KSR2: variants seen among roughly 807,000 people sequenced by gnomAD.
KSR2 encodes the protein kinase suppressor of ras 2.
KSR2 carries 25 observed loss-of-function variants against 107.8 expected under a neutral mutation model. The observed-to-expected ratio is 0.23, with a 90% CI of 0.17 to 0.32. KSR2 has a LOEUF of 0.32. Ranked by LOEUF, KSR2 falls within the 10% of genes least tolerant of loss-of-function variation. The probability of loss-of-function intolerance (pLI) is 1.00; values close to 1 mark genes in which losing one functional copy is unlikely to be tolerated. For synonymous variants in KSR2, 480 were observed against 507.0 expected (o/e 0.95, Z 0.71); for missense variants, 887 against 1,268.9 (o/e 0.70, Z 4.57).
chr12:117,698,324 ATT>A (rs57867291), intron 4 of KSR2, among the ~76,000 whole-genome samples: 2 of 146,004 alleles, frequency 1.4e-5, no homozygotes, highest in African/African-American at 5.0e-5. Context: ...TGTCTCTCAG[ATT>A]TTTTTTTTTT....
At chr12:117,508,865 G>C (rs1044650242) in intron 14 of KSR2, among the ~76,000 whole-genome samples, 5 of 151,056 alleles carry the variant, frequency 3.3e-5, no homozygotes, top group African/African-American at 1.2e-4. Context: ...TGTGAAGGTG[G>C]GTAGATGGAT....
Position 117,758,584 on chromosome 12 carries a change from G to A in KSR2, c.986+2427C>T, listed in dbSNP as rs190489928. ...AGCCAGAAGAAACCTGAAGGGCAAA[G>A]CTTAACGCCACCTGAGTCCTGATAC... On this transcript the variant is annotated intron_variant, in intron 4 of 19. Coordinates refer to ENST00000339824, the MANE Select transcript of KSR2 (RefSeq NM_173598.6). Among the ~76,000 whole-genome samples the A allele has an allele frequency of 1.7e-3, 252 of 152,308 alleles. No individual in the cohort carries two copies. The Middle Eastern group carries it at 0.017, about 10-fold the overall frequency.
chr12:117,898,102 A>G (rs1894569050), intron 1 of KSR2, among the ~76,000 whole-genome samples: 1 of 152,160 alleles, frequency 6.6e-6, no homozygotes, highest in South Asian at 2.1e-4. Flanking sequence ...CCAACCAGTT[A>G]CCCATCTTGA....
chr12:117,536,293 TG>T (rs1238312202), intron 10 of KSR2, among the ~76,000 whole-genome samples: 1 of 152,030 alleles, frequency 6.6e-6, no homozygotes, highest in Non-Finnish European at 1.5e-5. Context: ...CAGTCAAGAG[TG>T]GGACAGCTAG....
intron 6 of KSR2, among the ~76,000 whole-genome samples, chr12:117,580,964 G>A (rs1269658368): frequency 6.6e-6 from 1 of 152,114 alleles, no homozygotes; most frequent in Non-Finnish European, 1.5e-5. Flanking sequence ...ATCAAGGGGC[G>A]TGGCCAAACC....
At chr12:117,790,604 C>T (rs1454735734) in intron 3 of KSR2, among the ~76,000 whole-genome samples, 1 of 152,158 alleles carries the variant, frequency 6.6e-6, no homozygotes, top group Non-Finnish European at 1.5e-5. Flanking sequence ...ATCTTGTGGG[C>T]CACAAGGAAC....
chr12:117,763,674 G>T (rs538866369), intron 3 of KSR2, among the ~76,000 whole-genome samples: 2 of 152,218 alleles, frequency 1.3e-5, no homozygotes, highest in African/African-American at 2.4e-5. Context: ...CTAAGGTGCA[G>T]ATTGGCTTTT....
intron 16 of KSR2, among the ~76,000 whole-genome samples, chr12:117,482,842 T>A (rs1373992391): frequency 6.6e-6 from 1 of 152,148 alleles, no homozygotes; most frequent in East Asian, 1.9e-4. Context: ...AATTTCTGCT[T>A]TTTATAAAAC....
intron 1 of KSR2, among the ~76,000 whole-genome samples, chr12:117,942,673 T>C (rs1359585666): frequency 2.0e-5 from 3 of 151,290 alleles, no homozygotes; most frequent in Non-Finnish European, 4.4e-5. Context: ...TTGTGTTTTT[T>C]TTTTTTGGAG....
At chr12:117,691,774 G>C (rs1055816211) in intron 4 of KSR2, among the ~76,000 whole-genome samples, 1 of 152,314 alleles carries the variant, frequency 6.6e-6, no homozygotes, top group Non-Finnish European at 1.5e-5. Flanking sequence ...ATTAAGCCTA[G>C]AGCAGGAAAT....
rs60536021 is a variant in KSR2 at position 117,936,533 on chromosome 12, TTAGTAGTAGTAG to T, written c.180+31531_180+31542del. Among the ~76,000 whole-genome samples the T allele has an allele frequency of 5.0e-3, 597 of 119,656 alleles. 3 individuals are homozygous for T. Among genetic ancestry groups the T allele is most frequent in the East Asian group, 0.033 (117 of 3,560 alleles). 78.5% of individuals were successfully genotyped at this position (119,656 alleles called of 152,430 possible). A position where few individuals can be genotyped will look rare whatever the true frequency, so the allele number is the denominator to read the frequency against. ...TATTTTATTATTATTATTATTATTA[TTAGTAGTAGTAG>T]TAGTAGTAGTAGTAGTAGTAGTAGT... On this transcript the variant is annotated intron_variant, in intron 1 of 19. Coordinates refer to ENST00000339824, the MANE Select transcript of KSR2 (RefSeq NM_173598.6).
intron 4 of KSR2, among the ~76,000 whole-genome samples, chr12:117,685,132 C>G (rs541792928): frequency 6.6e-6 from 1 of 152,200 alleles, no homozygotes; most frequent in African/African-American, 2.4e-5. Flanking sequence ...ACAGCACAGC[C>G]CAGCCTCCTC....
intron 5 of KSR2, among the ~76,000 whole-genome samples, chr12:117,664,253 T>A (rs951515019): frequency 6.6e-6 from 1 of 152,296 alleles, no homozygotes; most frequent in East Asian, 1.9e-4. Flanking sequence ...CCTGAGGTTG[T>A]GAGGCTTGGC....
intron 9 of KSR2, among the ~76,000 whole-genome samples, chr12:117,544,218 T>C (rs940716418): frequency 7.2e-5 from 11 of 152,234 alleles, no homozygotes; most frequent in Admixed American, 3.9e-4. Flanking sequence ...ACAAGCCCTA[T>C]ACATGTTTTA....
intron 1 of KSR2, among the ~76,000 whole-genome samples, chr12:117,882,800 T>G (rs1259707928): frequency 6.6e-6 from 1 of 151,472 alleles, no homozygotes; most frequent in Non-Finnish European, 1.5e-5. Flanking sequence ...CATCCATCCA[T>G]CTATTCACTT....
intron 3 of KSR2, among the ~76,000 whole-genome samples, chr12:117,848,833 T>TGGGTGGTG (rs1566048306): frequency 7.5e-6 from 1 of 132,672 alleles, no homozygotes; most frequent in South Asian, 2.8e-4. Context: ...GTGATGGTGG[T>TGGGTGGTG]AGTGGTGGTG....
At chr12:117,792,365 G>C (rs1890282048) in intron 3 of KSR2, among the ~76,000 whole-genome samples, 1 of 151,716 alleles carries the variant, frequency 6.6e-6, no homozygotes, top group Admixed American at 6.6e-5. Context: ...AAAAAAAGAA[G>C]AAGAAGAAGA....
At chr12:117,910,713 G>A (rs1299241328) in intron 1 of KSR2, among the ~76,000 whole-genome samples, 3 of 152,168 alleles carry the variant, frequency 2.0e-5, no homozygotes, top group Admixed American at 6.6e-5. Context: ...ATAGCGTCAT[G>A]GGATCCCCAG....
chr12:117,829,336 TAAAGG>T (rs1418212698), intron 3 of KSR2, among the ~76,000 whole-genome samples: 1 of 152,158 alleles, frequency 6.6e-6, no homozygotes, highest in Non-Finnish European at 1.5e-5. Context: ...TCCTTCACTC[TAAAGG>T]CTTCCCTAAC....
Sources: gnomAD v4.1 joint callset for allele counts (sites outside exome capture counted in the v4.1 genomes callset) on GRCh38, gnomAD v4.1.1 for gene constraint, MANE v1.5 for transcripts, NCBI Gene and HGNC (gene_info 2026-07-23, HGNC 2026-07-21) for gene names.